NEGR1: variants seen among roughly 807,000 people sequenced by gnomAD.
NEGR1 encodes the protein IgLON family member 4.
A neutral mutation model predicts 40.9 loss-of-function variants in NEGR1; 10 were observed. That is an observed-to-expected ratio of 0.24 (90% confidence interval 0.15 to 0.42). The LOEUF is 0.42. Ranked by LOEUF, NEGR1 falls within the 10% of genes least tolerant of loss-of-function variation. The probability of loss-of-function intolerance (pLI) is 1.00; values close to 1 mark genes in which losing one functional copy is unlikely to be tolerated. For missense variants in NEGR1, 352 were observed against 438.9 expected (o/e 0.80, Z 1.77); for synonymous variants, 185 against 166.8 (o/e 1.11, Z -0.84).
intron 3 of NEGR1, among the ~76,000 whole-genome samples, chr1:71,756,394 C>CAAAAAAA (rs1293104436): frequency 2.0e-4 from 12 of 58,542 alleles, no homozygotes; most frequent in South Asian, 6.1e-4. Flanking sequence ...CTCAAAAAAA[C>CAAAAAAA]AAAAAACAAA....
chr1:71,942,455 C>CTCTATATATATATA (rs1553123457), intron 1 of NEGR1, among the ~76,000 whole-genome samples: 1 of 21,298 alleles, frequency 4.7e-5, no homozygotes, highest in Non-Finnish European at 8.1e-5. Flanking sequence ...TTCTTTAAAT[C>CTCTATATATATATA]TATATATATA....
At chr1:72,234,687 G>T (rs1007823181) in intron 1 of NEGR1, among the ~76,000 whole-genome samples, 38 of 152,122 alleles carry the variant, frequency 2.5e-4, no homozygotes, top group Admixed American at 7.2e-4. Flanking sequence ...ATTAATAAAA[G>T]ATCAATATTA....
At chr1:71,979,926 G>A (rs1400694066) in intron 1 of NEGR1, among the ~76,000 whole-genome samples, 1 of 152,080 alleles carries the variant, frequency 6.6e-6, no homozygotes, top group Non-Finnish European at 1.5e-5. Flanking sequence ...TGTCAAGGGT[G>A]CCTGCCCAAT....
At chr1:71,711,779 A>G (rs1654100976) in intron 3 of NEGR1, among the ~76,000 whole-genome samples, 1 of 152,268 alleles carries the variant, frequency 6.6e-6, no homozygotes, top group Non-Finnish European at 1.5e-5. Flanking sequence ...ATTTGCCAGT[A>G]CATGCAATCC....
intron 6 of NEGR1, among the ~76,000 whole-genome samples, chr1:71,530,069 A>G (rs1647304717): frequency 6.6e-6 from 1 of 151,206 alleles, no homozygotes; most frequent in African/African-American, 2.4e-5. Flanking sequence ...TTTCATAACT[A>G]TATCCACTTT....
chr1:71,801,783 T>C (rs1442378579), intron 2 of NEGR1, among the ~76,000 whole-genome samples: 1 of 152,174 alleles, frequency 6.6e-6, no homozygotes. Context: ...AACACTCCAA[T>C]AGTTTCTTAT....
chr1:72,162,740 A>G (rs958181014), intron 1 of NEGR1, among the ~76,000 whole-genome samples: 1 of 152,150 alleles, frequency 6.6e-6, no homozygotes, highest in Admixed American at 6.6e-5. Context: ...CAGTTAGACC[A>G]ATGAAGTATT....
chr1:71,568,909 C>T (rs1011366325), intron 6 of NEGR1, among the ~76,000 whole-genome samples: 19 of 146,488 alleles, frequency 1.3e-4, no homozygotes, highest in Admixed American at 2.8e-4. Flanking sequence ...GGGCAATGAT[C>T]CTTTTGTAAT....
chr1:71,793,338 C>T (rs1031329272), intron 2 of NEGR1, among the ~76,000 whole-genome samples: 1 of 35,320 alleles, frequency 2.8e-5, no homozygotes, highest in Non-Finnish European at 6.6e-5. Context: ...CTTGAACTCC[C>T]GACCTTGTGA....
intron 4 of NEGR1, among the ~76,000 whole-genome samples, chr1:71,690,729 G>C (rs1261823161): frequency 2.0e-5 from 3 of 149,908 alleles, no homozygotes; most frequent in African/African-American, 4.9e-5. Context: ...TCCGTTTGGC[G>C]TGGAGTCATT....
chr1:71,911,771 A>T (rs778602070), intron 2 of NEGR1, among the ~76,000 whole-genome samples: 1 of 152,222 alleles, frequency 6.6e-6, no homozygotes, highest in Non-Finnish European at 1.5e-5. Context: ...AGTTTGATAG[A>T]AGATCGACTG....
chr1:72,261,442 C>A (rs1364508981), intron 1 of NEGR1, among the ~76,000 whole-genome samples: 1 of 151,888 alleles, frequency 6.6e-6, no homozygotes, highest in Non-Finnish European at 1.5e-5. Flanking sequence ...AGAAAAAAAT[C>A]CAAAATAGTT....
chr1:72,180,479 C>A (rs1043539791), intron 1 of NEGR1, among the ~76,000 whole-genome samples: 2 of 150,512 alleles, frequency 1.3e-5, no homozygotes. Flanking sequence ...ATTACAAAAA[C>A]TAAAAATCTT....
At chr1:72,272,847 T>A (rs1207725100) in intron 1 of NEGR1, among the ~76,000 whole-genome samples, 2 of 152,002 alleles carry the variant, frequency 1.3e-5, no homozygotes, top group Non-Finnish European at 2.9e-5. Context: ...CTTCCCTAAA[T>A]TGAGTAAATT....
intron 5 of NEGR1, among the ~76,000 whole-genome samples, chr1:71,608,483 G>C (rs1273944366): frequency 7.4e-6 from 1 of 134,732 alleles, no homozygotes; most frequent in Non-Finnish European, 1.5e-5. Context: ...AGTGGACCGA[G>C]GATTACTGTA....
chr1:71,674,350 A>T lies in NEGR1; in HGVS notation c.667+23658T>A, dbSNP rs139211966. Among the ~76,000 whole-genome samples the T allele has an allele frequency of 3.8e-3, 583 of 152,304 alleles. 9 individuals are homozygous for T. Among genetic ancestry groups the T allele is most frequent in the Non-Finnish European group, 9.4e-4 (64 of 68,024 alleles). Reference sequence around the variant, plus strand: ...AAAATGAGCATTAAATCAATGAATCAAATATGCAAGAAAATCTCAATCCAG... The same window carrying T: ...AAAATGAGCATTAAATCAATGAATCTAATATGCAAGAAAATCTCAATCCAG... On this transcript the variant is annotated intron_variant, in intron 4 of 6. Transcript: ENST00000357731.
At chr1:71,800,487 A>T (rs1164792182) in intron 2 of NEGR1, among the ~76,000 whole-genome samples, 2 of 152,166 alleles carry the variant, frequency 1.3e-5, no homozygotes, top group Middle Eastern at 3.4e-3. Flanking sequence ...TTAGTTCTTA[A>T]GTTTATTATT....
At chr1:71,946,438 C>A (rs1323286581) in intron 1 of NEGR1, among the ~76,000 whole-genome samples, 1 of 152,050 alleles carries the variant, frequency 6.6e-6, no homozygotes, top group African/African-American at 2.4e-5. Flanking sequence ...TTACTACTAT[C>A]AATATTGCTA....
intron 2 of NEGR1, among the ~76,000 whole-genome samples, chr1:71,908,774 G>GT (rs1301052768): frequency 1.3e-5 from 2 of 152,048 alleles, no homozygotes; most frequent in Admixed American, 6.6e-5. Flanking sequence ...CAGTGTTACA[G>GT]TTTTTTTAGT....
Sources: gnomAD v4.1 joint callset for allele counts (sites outside exome capture counted in the v4.1 genomes callset) on GRCh38, gnomAD v4.1.1 for gene constraint, MANE v1.5 for transcripts, NCBI Gene and HGNC (gene_info 2026-07-23, HGNC 2026-07-21) for gene names.